ZNF521: variants seen among roughly 807,000 people sequenced by gnomAD.
ZNF521 encodes the protein zinc finger protein 521, also known as LYST-interacting protein 3.
In ZNF521, 14 loss-of-function variants were observed where a neutral mutation model predicts 105.5. That is an observed-to-expected ratio of 0.13 (90% CI 0.09 to 0.21). ZNF521 has a LOEUF of 0.21. ZNF521 is among the 10% of genes least tolerant of loss of function. The probability of loss-of-function intolerance (pLI) is 1.00; values close to 1 mark genes in which losing one functional copy is unlikely to be tolerated. For synonymous variants in ZNF521, 635 were observed against 606.0 expected, an observed-to-expected ratio of 1.05 and a Z score of -0.70; for missense variants, 1,233 against 1,629.7, an observed-to-expected ratio of 0.76 and a Z score of 4.19.
At chr18:25,262,231 T>C (rs1908960240) in intron 3 of ZNF521, among the ~76,000 whole-genome samples, 1 of 152,156 alleles carries the variant, frequency 6.6e-6, no homozygotes, top group African/African-American at 2.4e-5. Flanking sequence ...TATAGAGAAC[T>C]GGTGAGTTCA....
At chr18:25,190,094 C>G (rs939672965) in intron 5 of ZNF521, among the ~76,000 whole-genome samples, 4 of 152,268 alleles carry the variant, frequency 2.6e-5, no homozygotes, top group Non-Finnish European at 4.4e-5. Flanking sequence ...AATAAGCCAG[C>G]ATTGCCCACA....
At chr18:25,340,863 A>G (rs543409669) in intron 2 of ZNF521, among the ~76,000 whole-genome samples, 1 of 150,996 alleles carries the variant, frequency 6.6e-6, no homozygotes, top group South Asian at 2.1e-4. Context: ...AAATATGCAA[A>G]TCGGCAAGTA....
intron 5 of ZNF521, among the ~76,000 whole-genome samples, chr18:25,108,676 G>A (rs1351167152): frequency 6.6e-6 from 1 of 152,196 alleles, no homozygotes; most frequent in Non-Finnish European, 1.5e-5. Flanking sequence ...CCAGGTTGGA[G>A]TGCAGTGGCT....
At position 25,168,439 on chromosome 18, in the gene ZNF521, T is replaced by C. The variant is rs45455094; in HGVS notation, c.3658+26721A>G. On this transcript the variant is annotated intron_variant, in intron 5 of 7. Coordinates refer to ENST00000361524, the MANE Select transcript of ZNF521 (RefSeq NM_015461.3). ...GTCCTCTACTGCTAGATAATCAAAT[T>C]CTTCCATCTGGTCCTATCCCTGTGG... Among the ~76,000 whole-genome samples, 617 of 152,244 alleles carry C rather than the reference T, an allele frequency of 4.1e-3. 5 individuals are homozygous for C. Among genetic ancestry groups the C allele is most frequent in the Non-Finnish European group, 7.5e-3 (513 of 68,014 alleles).
At chr18:25,089,102 TCCAC>T (rs1052145248) in intron 7 of ZNF521, among the ~76,000 whole-genome samples, 2 of 152,184 alleles carry the variant, frequency 1.3e-5, no homozygotes, top group African/African-American at 4.8e-5. Context: ...AACCTGGACA[TCCAC>T]CCAGCTTGGA....
chr18:25,062,804 A>AACTTCAGT, intron 7 of ZNF521, 63 bp from the exon 8 acceptor site: 1 of 1,388,936 alleles, frequency 7.2e-7, no homozygotes, highest in Non-Finnish European at 9.7e-7. Flanking sequence ...AGGGAAAACA[A>AACTTCAGT]ACTTCAGTGA....
At chr18:25,301,475 C>A (rs1037602856) in intron 3 of ZNF521, among the ~76,000 whole-genome samples, 3 of 152,134 alleles carry the variant, frequency 2.0e-5, no homozygotes, top group Admixed American at 2.0e-4. Context: ...AGCAGCTAAT[C>A]ATTTTACCTC....
intron 2 of ZNF521, among the ~76,000 whole-genome samples, chr18:25,330,446 G>C (rs1263925512): frequency 6.6e-6 from 1 of 152,158 alleles, no homozygotes; most frequent in Non-Finnish European, 1.5e-5. Flanking sequence ...TTACAGGCGT[G>C]AGCCACCATG....
chr18:25,350,119 G>C (rs1914662436), intron 2 of ZNF521, among the ~76,000 whole-genome samples: 1 of 151,978 alleles, frequency 6.6e-6, no homozygotes, highest in African/African-American at 2.4e-5. Context: ...AGGGACCCCC[G>C]CCCCCGCCGC....
At chr18:25,136,897 T>C (rs952769572) in intron 5 of ZNF521, among the ~76,000 whole-genome samples, 1 of 152,074 alleles carries the variant, frequency 6.6e-6, no homozygotes, top group Non-Finnish European at 1.5e-5. Flanking sequence ...TGTGAGTGAG[T>C]GTGCCGAATG....
intron 3 of ZNF521, among the ~76,000 whole-genome samples, chr18:25,243,351 C>T (rs558619510): frequency 3.5e-4 from 53 of 152,238 alleles, no homozygotes; most frequent in Admixed American, 1.4e-3. Context: ...ACCAAAATAA[C>T]TTCATTCCCT....
intron 5 of ZNF521, among the ~76,000 whole-genome samples, chr18:25,105,775 A>T (rs998820536): frequency 3.9e-5 from 6 of 152,186 alleles, no homozygotes; most frequent in African/African-American, 1.4e-4. Context: ...AAATTTCAGT[A>T]TCGGAGCAAA....
chr18:25,099,609 A>T (rs1272608232), intron 5 of ZNF521, among the ~76,000 whole-genome samples: 1 of 152,208 alleles, frequency 6.6e-6, no homozygotes, highest in African/African-American at 2.4e-5. Context: ...AGAAGTCTCT[A>T]TACCGTACAT....
chr18:25,223,606 C>T (rs1905881433), intron 4 of ZNF521, among the ~76,000 whole-genome samples: 1 of 151,740 alleles, frequency 6.6e-6, no homozygotes, highest in South Asian at 2.1e-4. Flanking sequence ...GAAATGATGA[C>T]TTATGAAATG....
chr18:25,194,312 C>G (rs1213548472), intron 5 of ZNF521, among the ~76,000 whole-genome samples: 2 of 151,350 alleles, frequency 1.3e-5, no homozygotes, highest in Non-Finnish European at 3.0e-5. Flanking sequence ...AAATGAGTAA[C>G]AAAAATAGCA....
chr18:25,181,255 T>C (rs1324096478), intron 5 of ZNF521, among the ~76,000 whole-genome samples: 5 of 152,170 alleles, frequency 3.3e-5, no homozygotes, highest in Admixed American at 3.3e-4. Context: ...AAACATATTT[T>C]TCTAGTCCTC....
intron 4 of ZNF521, among the ~76,000 whole-genome samples, chr18:25,214,585 G>T (rs762292506): frequency 1.3e-5 from 2 of 152,084 alleles, no homozygotes; most frequent in Non-Finnish European, 2.9e-5. Flanking sequence ...CTTTTGAAAT[G>T]TATTTATCCT....
chr18:25,306,163 T>C (rs1393131567), intron 3 of ZNF521, among the ~76,000 whole-genome samples: 1 of 152,386 alleles, frequency 6.6e-6, no homozygotes, highest in East Asian at 1.9e-4. Flanking sequence ...TTTGAAGTTT[T>C]GTTAATTCAT....
At chr18:25,288,522 T>C (rs1319057879) in intron 3 of ZNF521, among the ~76,000 whole-genome samples, 1 of 143,504 alleles carries the variant, frequency 7.0e-6, no homozygotes. Context: ...TTTCTCTCCC[T>C]CTCCTTTTCC....
Sources: gnomAD v4.1 joint callset for allele counts (sites outside exome capture counted in the v4.1 genomes callset) on GRCh38, gnomAD v4.1.1 for gene constraint, MANE v1.5 for transcripts, NCBI Gene and HGNC (gene_info 2026-07-23, HGNC 2026-07-21) for gene names.